GMDS: variants seen among roughly 807,000 people sequenced by gnomAD.
The protein encoded by GMDS is GDP-mannose 4,6 dehydratase.
A neutral mutation model predicts 49.9 loss-of-function variants in GMDS; 20 were observed. That is an observed-to-expected ratio of 0.40 (90% CI 0.28 to 0.58). GMDS has a LOEUF of 0.58. GMDS is among the 20% of genes least tolerant of loss of function. The probability of loss-of-function intolerance (pLI) is 0.42; values close to 1 mark genes in which losing one functional copy is unlikely to be tolerated. For missense variants in GMDS, 362 were observed against 481.4 expected (o/e 0.75, Z 2.32); for synonymous variants, 177 against 178.6 (o/e 0.99, Z 0.07).
chr6:2,124,791 A>C, intron 1 of GMDS, 60 bp from the exon 2 acceptor site: 1 of 1,310,498 alleles, frequency 7.6e-7, no homozygotes, highest in Non-Finnish European at 1.1e-6. Flanking sequence ...AAGGTGGTCT[A>C]GATGAAGAGT....
intron 7 of GMDS, among the ~76,000 whole-genome samples, chr6:1,749,686 A>C (rs1037741195): frequency 2.6e-5 from 4 of 152,106 alleles, no homozygotes; most frequent in Non-Finnish European, 5.9e-5. Flanking sequence ...ATCTATGAGG[A>C]TAGTTTCTGC....
At chr6:2,030,557 G>C (rs182852861) in intron 4 of GMDS, among the ~76,000 whole-genome samples, 1 of 152,194 alleles carries the variant, frequency 6.6e-6, no homozygotes, top group African/African-American at 2.4e-5. Flanking sequence ...CAACACATTT[G>C]GCCACAGTAA....
At chr6:1,709,529 A>C (rs1304356547) in intron 9 of GMDS, among the ~76,000 whole-genome samples, 1 of 152,212 alleles carries the variant, frequency 6.6e-6, no homozygotes, top group Non-Finnish European at 1.5e-5. Context: ...CACGGTGGCA[A>C]AGGCCAACAT....
intron 7 of GMDS, among the ~76,000 whole-genome samples, chr6:1,922,090 TAACA>T (rs943006403): frequency 3.9e-5 from 6 of 152,198 alleles, no homozygotes; most frequent in Non-Finnish European, 8.8e-5. Flanking sequence ...CCTTATTACC[TAACA>T]AACAGTCACT....
At chr6:2,129,076 A>G (rs1313532447) in intron 1 of GMDS, among the ~76,000 whole-genome samples, 1 of 152,228 alleles carries the variant, frequency 6.6e-6, no homozygotes, top group Non-Finnish European at 1.5e-5. Flanking sequence ...GTACTCAGAA[A>G]TGTTCCAGAC....
chr6:2,228,658 AG>A (rs1323517450), intron 1 of GMDS, among the ~76,000 whole-genome samples: 1 of 152,246 alleles, frequency 6.6e-6, no homozygotes, highest in Non-Finnish European at 1.5e-5. Flanking sequence ...CTCTGTAGGA[AG>A]GGCATTCATT....
At chr6:2,174,353 C>T (rs1046104072) in intron 1 of GMDS, among the ~76,000 whole-genome samples, 1 of 152,136 alleles carries the variant, frequency 6.6e-6, no homozygotes, top group Admixed American at 6.5e-5. Context: ...AAGTTTAGAA[C>T]TCCATGCTTA....
At chr6:1,685,148 G>T (rs538337953) in intron 9 of GMDS, among the ~76,000 whole-genome samples, 1 of 152,214 alleles carries the variant, frequency 6.6e-6, no homozygotes, top group South Asian at 2.1e-4. Flanking sequence ...TGTAATCCTA[G>T]CACTTTGGGA....
At chr6:2,137,558 TC>T (rs1439169335) in intron 1 of GMDS, among the ~76,000 whole-genome samples, 2 of 152,158 alleles carry the variant, frequency 1.3e-5, no homozygotes, top group African/African-American at 4.8e-5. Flanking sequence ...GGTCTCAAAC[TC>T]CCGACCTCAG....
intron 4 of GMDS, among the ~76,000 whole-genome samples, chr6:2,100,842 C>T (rs1456093047): frequency 1.3e-5 from 2 of 152,106 alleles, no homozygotes; most frequent in African/African-American, 4.8e-5. Flanking sequence ...TAAATCTTGG[C>T]ACTCTTTTTA....
chr6:1,646,702 T>A (rs1482938648), intron 9 of GMDS, among the ~76,000 whole-genome samples: 2 of 152,166 alleles, frequency 1.3e-5, no homozygotes, highest in African/African-American at 4.8e-5. Flanking sequence ...TTCAATATGA[T>A]CCCAACCTCC....
chr6:2,042,824 T>C (rs1196483381), intron 4 of GMDS, among the ~76,000 whole-genome samples: 2 of 152,214 alleles, frequency 1.3e-5, no homozygotes, highest in African/African-American at 2.4e-5. Context: ...CTGATGACTA[T>C]AATTACTTTC....
intron 4 of GMDS, among the ~76,000 whole-genome samples, chr6:2,079,878 A>C (rs557967578): frequency 6.6e-6 from 1 of 152,272 alleles, no homozygotes; most frequent in Admixed American, 6.5e-5. Context: ...CTATTATTTA[A>C]TAACAAAAAA....
chr6:2,203,178 T>A (rs1779629166), intron 1 of GMDS, among the ~76,000 whole-genome samples: 1 of 152,206 alleles, frequency 6.6e-6, no homozygotes, highest in African/African-American at 2.4e-5. Flanking sequence ...GTACTGGAGT[T>A]ACTTTAGGCC....
chr6:1,775,454 T>A (rs564436355), intron 7 of GMDS, among the ~76,000 whole-genome samples: 27 of 152,224 alleles, frequency 1.8e-4, no homozygotes, highest in Non-Finnish European at 3.4e-4. Flanking sequence ...CACTTTACTG[T>A]CACTTGCCAG....
intron 1 of GMDS, among the ~76,000 whole-genome samples, chr6:2,138,064 T>C (rs1776097619): frequency 6.6e-6 from 1 of 152,222 alleles, no homozygotes; most frequent in Non-Finnish European, 1.5e-5. Flanking sequence ...CCATCTGAAA[T>C]TCTTTGAAAC....
At chr6:2,001,873 T>TATA (rs1766838013) in intron 4 of GMDS, among the ~76,000 whole-genome samples, 1 of 152,166 alleles carries the variant, frequency 6.6e-6, no homozygotes, top group Non-Finnish European at 1.5e-5. Flanking sequence ...TCATAGCATA[T>TATA]ATAAAACTTA....
intron 6 of GMDS, among the ~76,000 whole-genome samples, chr6:1,940,985 C>A (rs1762796286): frequency 6.6e-6 from 1 of 152,170 alleles, no homozygotes; most frequent in African/African-American, 2.4e-5. Context: ...TTGCCAACTT[C>A]CCCCTGGGGG....
chr6:2,232,202 C>T (rs143974236), intron 1 of GMDS, among the ~76,000 whole-genome samples: 10 of 151,780 alleles, frequency 6.6e-5, no homozygotes, highest in African/African-American at 2.4e-4. Flanking sequence ...TTTGTTACTC[C>T]TAAGATTCTT....
Sources: gnomAD v4.1 joint callset for allele counts (sites outside exome capture counted in the v4.1 genomes callset) on GRCh38, gnomAD v4.1.1 for gene constraint, MANE v1.5 for transcripts, NCBI Gene and HGNC (gene_info 2026-07-23, HGNC 2026-07-21) for gene names.